FTO: variants seen among roughly 807,000 people sequenced by gnomAD.
The protein encoded by FTO is alpha-ketoglutarate-dependent dioxygenase FTO.
A neutral mutation model predicts 63.9 loss-of-function variants in FTO; 47 were observed. That is an observed-to-expected ratio of 0.74 (90% confidence interval 0.58 to 0.94). The LOEUF (loss-of-function observed/expected upper bound fraction) is 0.94. Ranked by LOEUF, FTO falls within the 40% of genes least tolerant of loss-of-function variation. The pLI is 0.00. For missense variants in FTO, 562 were observed against 618.1 expected, an observed-to-expected ratio of 0.91 and a Z score of 0.96; for synonymous variants, 207 against 224.4, an observed-to-expected ratio of 0.92 and a Z score of 0.69.
At chr16:53,891,831 G>T (rs139742201) in intron 7 of FTO, among the ~76,000 whole-genome samples, 1 of 152,194 alleles carries the variant, frequency 6.6e-6, no homozygotes, top group African/African-American at 2.4e-5. Flanking sequence ...TTGTTTTGTC[G>T]CTCTTGTATA....
At chr16:53,917,651 T>C (rs2081904184) in intron 7 of FTO, among the ~76,000 whole-genome samples, 1 of 152,052 alleles carries the variant, frequency 6.6e-6, no homozygotes, top group South Asian at 2.1e-4. Context: ...AATGCACTGA[T>C]ATTTCCAGTT....
intron 6 of FTO, 124 bp downstream of exon 6, chr16:53,880,111 C>T (rs1418898350): frequency 5.6e-6 from 4 of 718,180 alleles, no homozygotes; most frequent in Non-Finnish European, 7.1e-6. Flanking sequence ...CCTCCTGTCT[C>T]AAGCTCCCGA....
At chr16:53,914,311 C>A (rs1354014454) in intron 7 of FTO, among the ~76,000 whole-genome samples, 1 of 146,566 alleles carries the variant, frequency 6.8e-6, no homozygotes, top group Non-Finnish European at 1.5e-5. Flanking sequence ...TCAGTGCTTT[C>A]TCTTTCACAC....
At chr16:53,868,990 C>T (rs1251709902) in intron 4 of FTO, among the ~76,000 whole-genome samples, 2 of 152,032 alleles carry the variant, frequency 1.3e-5, no homozygotes, top group African/African-American at 4.8e-5. Context: ...TGCCACTGCG[C>T]CCACCTGATT....
chr16:53,759,821 AC>A (rs1225997846), intron 1 of FTO, among the ~76,000 whole-genome samples: 2 of 152,106 alleles, frequency 1.3e-5, no homozygotes, highest in Admixed American at 6.6e-5. Flanking sequence ...AAATGATCCC[AC>A]TATGGCATTT....
rs1361857142 is a variant in FTO at position 54,119,232 on chromosome 16, T to C, written c.*7317T>C. 5 of 152,244 alleles carry C rather than the reference T, an allele frequency of 3.3e-5. No individual in the cohort carries two copies. The highest frequency in any genetic ancestry group is 7.3e-5 in the Non-Finnish European group (5 of 68,046). 9.4% of individuals were successfully genotyped at this position (152,244 alleles called of 1,614,324 possible). On this transcript the variant is annotated 3_prime_UTR_variant, in exon 9 of 9. Coordinates refer to ENST00000471389, the MANE Select transcript of FTO (RefSeq NM_001080432.3). ...CACGGATGGAGGAGCATGATTTCAT[T>C]TGTTTCTTTGCAAAACTGCTGTCCC... is the stretch of plus-strand genomic sequence containing the variant.
intron 4 of FTO, among the ~76,000 whole-genome samples, chr16:53,844,649 T>TG (rs61384560): frequency 0.37 from 56,026 of 151,650 alleles, 10,452 homozygotes; most frequent in South Asian, 0.45. Context: ...TTAGTAGAGA[T>TG]GGGTTTCACC....
intron 8 of FTO, among the ~76,000 whole-genome samples, chr16:54,021,411 A>G (rs1265664480): frequency 7.3e-6 from 1 of 136,598 alleles, no homozygotes; most frequent in East Asian, 2.3e-4. Flanking sequence ...ACATGGCTAT[A>G]CATGGCCATG....
intron 8 of FTO, among the ~76,000 whole-genome samples, chr16:53,990,737 G>A (rs2083790131): frequency 6.7e-6 from 1 of 148,994 alleles, no homozygotes; most frequent in South Asian, 2.1e-4. Context: ...GTATGATCTC[G>A]GCTCATTGCA....
chr16:54,021,190 T>G (rs1187147347), intron 8 of FTO, among the ~76,000 whole-genome samples: 10 of 152,102 alleles, frequency 6.6e-5, no homozygotes, highest in African/African-American at 2.4e-4. Flanking sequence ...ACTCTCCTCT[T>G]TCTATTCTTC....
intron 1 of FTO, among the ~76,000 whole-genome samples, chr16:53,777,445 G>A (rs2077487341): frequency 6.6e-6 from 1 of 152,088 alleles, no homozygotes; most frequent in Non-Finnish European, 1.5e-5. Context: ...AAGCTTACTT[G>A]CAGTGTGGAA....
chr16:53,929,624 T>A (rs1044583010), intron 7 of FTO, among the ~76,000 whole-genome samples: 4 of 152,248 alleles, frequency 2.6e-5, no homozygotes, highest in African/African-American at 9.6e-5. Flanking sequence ...CCAAACCGTT[T>A]GTCAGAATGG....
intron 1 of FTO, among the ~76,000 whole-genome samples, chr16:53,749,441 CTTT>C (rs748023558): frequency 1.4e-5 from 2 of 140,184 alleles, no homozygotes; most frequent in Non-Finnish European, 1.6e-5. Flanking sequence ...TTCTTTTTTT[CTTT>C]TTTTTTTTTT....
At chr16:53,760,230 G>T (rs1381912230) in intron 1 of FTO, among the ~76,000 whole-genome samples, 627 of 19,026 alleles carry the variant, frequency 0.033, 76 homozygotes, top group Middle Eastern at 0.15. Context: ...GTGTGTGTGT[G>T]TGTGTGTGTG....
chr16:53,835,407 A>G (rs945734898), intron 3 of FTO, among the ~76,000 whole-genome samples: 4 of 152,194 alleles, frequency 2.6e-5, no homozygotes, highest in African/African-American at 7.2e-5. Context: ...TAGGAGGTAA[A>G]TTTTTAAGAC....
At chr16:53,814,977 TGGGCCTACAG>T (rs2078632786) in intron 2 of FTO, 1 of 152,188 alleles carries the variant, frequency 6.6e-6, no homozygotes, top group African/African-American at 2.4e-5. Flanking sequence ...AAGAATGTTC[TGGGCCTACAG>T]AACAGCAAAG....
rs185863550 is a variant in FTO at position 53,926,647 on chromosome 16, T to A, written c.1240-7338T>A. ...TGTGGAAGACTTCACAGAGGAGGTG[T>A]TTTTGAGATGTTTCTTGAAGAGTGA... is the stretch of plus-strand genomic sequence containing the variant. On this transcript the variant is annotated intron_variant, in intron 7 of 8. Coordinates refer to ENST00000471389, the MANE Select transcript of FTO (RefSeq NM_001080432.3). 1.7e-4 allele frequency among the ~76,000 whole-genome samples: 26 copies of A among 152,288 alleles called. 1 individual carries two copies. The South Asian group carries it at 5.2e-3, about 30-fold the overall frequency.
At chr16:53,897,289 G>A (rs1023765000) in intron 7 of FTO, among the ~76,000 whole-genome samples, 2 of 151,916 alleles carry the variant, frequency 1.3e-5, no homozygotes, top group Admixed American at 6.6e-5. Context: ...AAAAATCTCA[G>A]GCAGATCATC....
chr16:53,960,727 G>A (rs56722887), intron 8 of FTO, among the ~76,000 whole-genome samples: 5 of 151,682 alleles, frequency 3.3e-5, no homozygotes, highest in South Asian at 2.1e-4. Flanking sequence ...TGGGGGGGGC[G>A]CGGTTACCTG....
Sources: gnomAD v4.1 joint callset for allele counts (sites outside exome capture counted in the v4.1 genomes callset) on GRCh38, gnomAD v4.1.1 for gene constraint, MANE v1.5 for transcripts, NCBI Gene and HGNC (gene_info 2026-07-23, HGNC 2026-07-21) for gene names.